Variants in GSE1 observed in about 807,000 individuals in gnomAD.
GSE1 encodes the protein Gse1 coiled-coil protein, also known as genetic suppressor element 1.
Under a neutral mutation model 112.6 loss-of-function variants are expected in GSE1, and 32 were observed. That is an observed-to-expected ratio of 0.28 (90% CI 0.21 to 0.38). The LOEUF (loss-of-function observed/expected upper bound fraction) is 0.38, where lower values mean the gene tolerates loss of function less well. GSE1 is among the 10% of genes least tolerant of loss of function. The pLI is 1.00. For synonymous variants in GSE1, 1,115 were observed against 735.6 expected (o/e 1.52, Z -8.35); for missense variants, 2,348 against 1,699.2 (o/e 1.38, Z -6.71).
At chr16:85,431,969 CA>C (rs2049133262) in intron 2 of GSE1, among the ~76,000 whole-genome samples, 1 of 152,220 alleles carries the variant, frequency 6.6e-6, no homozygotes, top group Non-Finnish European at 1.5e-5. Context: ...ATCCCAGGCA[CA>C]GCACGGCATG....
intron 1 of GSE1, among the ~76,000 whole-genome samples, chr16:85,223,937 A>G (rs951316133): frequency 2.0e-5 from 3 of 152,148 alleles, no homozygotes; most frequent in African/African-American, 7.2e-5. Flanking sequence ...CACACAGTTC[A>G]GTGACATTTA....
At chr16:85,520,528 T>A (rs2052148105) in intron 2 of GSE1, among the ~76,000 whole-genome samples, 1 of 151,730 alleles carries the variant, frequency 6.6e-6, no homozygotes, top group Non-Finnish European at 1.5e-5. Context: ...CCCAAGTGAT[T>A]CTCCTGCCTC....
intron 1 of GSE1, among the ~76,000 whole-genome samples, chr16:85,295,982 A>G (rs564752555): frequency 5.7e-4 from 86 of 152,204 alleles, no homozygotes; most frequent in Admixed American, 8.5e-4. Context: ...CTGCACTGCA[A>G]TCCAGCCTTT....
At chr16:85,570,611 C>T (rs539911699) in intron 1 of GSE1, among the ~76,000 whole-genome samples, 7 of 152,328 alleles carry the variant, frequency 4.6e-5, no homozygotes, top group Middle Eastern at 3.4e-3. Flanking sequence ...AGGTGGCCAG[C>T]GGGTCAGACC....
At chr16:85,420,634 G>A (rs1487814631) in intron 2 of GSE1, among the ~76,000 whole-genome samples, 1 of 152,054 alleles carries the variant, frequency 6.6e-6, no homozygotes, top group Admixed American at 6.5e-5. Context: ...AGCAGATGAG[G>A]CCAGCCCACT....
At chr16:85,462,316 C>T (rs1194145267) in intron 2 of GSE1, among the ~76,000 whole-genome samples, 2 of 152,086 alleles carry the variant, frequency 1.3e-5, no homozygotes, top group Non-Finnish European at 2.9e-5. Flanking sequence ...TGTCCTGTGG[C>T]CGCCACCTGG....
intron 1 of GSE1, among the ~76,000 whole-genome samples, chr16:85,287,259 C>A (rs1025167206): frequency 3.3e-5 from 5 of 152,356 alleles, no homozygotes; most frequent in African/African-American, 1.2e-4. Flanking sequence ...GAGGCCTGAG[C>A]TCCCAGGGTG....
chr16:85,481,120 T>C (rs1228410131), intron 2 of GSE1, among the ~76,000 whole-genome samples: 1 of 151,370 alleles, frequency 6.6e-6, no homozygotes. Flanking sequence ...CAGCCACGCC[T>C]CGCTTCTCTC....
chr16:85,292,581 C>T (rs2045254657), intron 1 of GSE1, among the ~76,000 whole-genome samples: 1 of 152,272 alleles, frequency 6.6e-6, no homozygotes. Context: ...CCTGCCTCGG[C>T]CCCCCAAAGT....
chr16:85,288,231 A>G (rs2151435501), intron 1 of GSE1, among the ~76,000 whole-genome samples: 1 of 152,212 alleles, frequency 6.6e-6, no homozygotes, highest in African/African-American at 2.4e-5. Context: ...CAGAGCAAGA[A>G]TCTGACCCAA....
intron 1 of GSE1, among the ~76,000 whole-genome samples, chr16:85,217,173 G>C (rs2075318588): frequency 6.6e-6 from 1 of 152,236 alleles, no homozygotes; most frequent in Admixed American, 6.5e-5. Flanking sequence ...TGTCTGGGCG[G>C]GTGTCAAGCT....
intron 2 of GSE1, among the ~76,000 whole-genome samples, chr16:85,387,108 C>T (rs754256155): frequency 2.3e-4 from 35 of 152,190 alleles, no homozygotes; most frequent in Admixed American, 5.9e-4. Flanking sequence ...GCCCGACCAC[C>T]GTGGTTTCTA....
chr16:85,195,776 T>C (rs1353707727), intron 1 of GSE1, among the ~76,000 whole-genome samples: 2 of 152,112 alleles, frequency 1.3e-5, no homozygotes, highest in African/African-American at 4.8e-5. Flanking sequence ...CCGGAAAGGT[T>C]AGAAAGAATG....
At chr16:85,249,930 C>T (rs1597188646) in intron 1 of GSE1, among the ~76,000 whole-genome samples, 1 of 152,376 alleles carries the variant, frequency 6.6e-6, no homozygotes, top group Admixed American at 6.5e-5. Flanking sequence ...AGAGCGATGC[C>T]AGCTGGGCGC....
chr16:85,555,796 T>G (rs1424993814), upstream of GSE1: 1 of 973,224 alleles, frequency 1.0e-6, no homozygotes, highest in African/African-American at 1.8e-5. Context: ...TCGCACGTCC[T>G]GGGGGCTGTT....
chr16:85,599,435 C>T (rs1192468256), intron 1 of GSE1, among the ~76,000 whole-genome samples: 1 of 152,214 alleles, frequency 6.6e-6, no homozygotes, highest in Non-Finnish European at 1.5e-5. Context: ...GGACCTGCCC[C>T]CAATCTGGAA....
chr16:85,330,743 C>G (rs760199050), intron 1 of GSE1, among the ~76,000 whole-genome samples: 13 of 152,234 alleles, frequency 8.5e-5, no homozygotes, highest in Non-Finnish European at 1.0e-4. Flanking sequence ...CTGCCCCTCT[C>G]TGAGTTCTCC....
At chr16:85,184,016 C>G (rs1326905150) in intron 1 of GSE1, among the ~76,000 whole-genome samples, 1 of 152,186 alleles carries the variant, frequency 6.6e-6, no homozygotes, top group African/African-American at 2.4e-5. Context: ...TTATCATTCC[C>G]CAGAGAGTCT....
intron 14 of GSE1, among the ~76,000 whole-genome samples, chr16:85,670,060 C>T (rs1333031673): frequency 1.3e-5 from 2 of 152,348 alleles, no homozygotes; most frequent in South Asian, 2.1e-4. Flanking sequence ...GCGTGGTTGG[C>T]ATCCTTTTCC....
Sources: allele counts gnomAD v4.1 joint callset (sites outside exome capture counted in the v4.1 genomes callset), GRCh38; gene constraint gnomAD v4.1.1; transcripts MANE v1.5; gene names NCBI Gene and HGNC (gene_info 2026-07-23, HGNC 2026-07-21).